Variants in MAPKAPK3 observed in about 807,000 individuals in gnomAD.
MAPKAPK3 encodes the protein MAPK activated protein kinase 3.
In MAPKAPK3, 35 loss-of-function variants were observed where a neutral mutation model predicts 49.2. The observed-to-expected ratio is 0.71, with a 90% CI of 0.54 to 0.94. The LOEUF (loss-of-function observed/expected upper bound fraction) is 0.94. MAPKAPK3 is among the 40% of genes least tolerant of loss of function. The pLI, the probability that MAPKAPK3 is intolerant of heterozygous loss-of-function variation, is 0.00. For synonymous variants in MAPKAPK3, 178 were observed against 188.7 expected (o/e 0.94, Z 0.46); for missense variants, 398 against 493.1 (o/e 0.81, Z 1.83).
At chr3:50,624,295 GTGTA>G (rs1028331818) in intron 2 of MAPKAPK3, among the ~76,000 whole-genome samples, 1 of 151,900 alleles carries the variant, frequency 6.6e-6, no homozygotes, top group African/African-American at 2.4e-5. Context: ...GTGTGTGTGT[GTGTA>G]TGTGTATGTG....
intron 10 of MAPKAPK3, among the ~76,000 whole-genome samples, chr3:50,647,471 A>G (rs1285815738): frequency 6.6e-6 from 1 of 152,124 alleles, no homozygotes; most frequent in Non-Finnish European, 1.5e-5. Context: ...AACCAACAAC[A>G]TTTGGGAGGG....
In MAPKAPK3 at chr3:50,647,832, T is replaced by TG. The variant is rs2033341571; in HGVS notation, c.997-61dup. ...TTAAGGGGCTGCCCAGGCAGGGGGG[T>TG]GATGGTTCCTAAGGTCAGTACATCC... On this transcript the variant is annotated intron_variant, in intron 10 of 10. Coordinates refer to ENST00000621469, the MANE Select transcript of MAPKAPK3 (RefSeq NM_001243925.2). 10 of 1,500,850 alleles carry TG rather than the reference T, an allele frequency of 6.7e-6. No homozygotes were observed. The Admixed American group carries it at 2.1e-4, about 31-fold the overall frequency. 93.0% of individuals were successfully genotyped at this position (1,500,850 alleles called of 1,614,324 possible).
At chr3:50,627,307 C>T (rs1032011701) in intron 2 of MAPKAPK3, among the ~76,000 whole-genome samples, 8 of 151,888 alleles carry the variant, frequency 5.3e-5, no homozygotes, top group Middle Eastern at 3.4e-3. Flanking sequence ...GCAGGCAGGT[C>T]GTGGGGGCCT....
intron 2 of MAPKAPK3, among the ~76,000 whole-genome samples, chr3:50,621,369 A>T (rs1363478615): frequency 6.6e-6 from 1 of 152,052 alleles, no homozygotes; most frequent in Non-Finnish European, 1.5e-5. Flanking sequence ...AGGCGGGAGG[A>T]TCACTTGAAG....
In MAPKAPK3 at chr3:50,648,614, C is replaced by A; in HGVS notation, c.*568C>A. ...TCTCATTCTCACTCCTCCTTGGGCCCTGAGGCTGCTGGATCCGGTCTGCCT... is the reference window on the plus strand; with the variant it reads ...TCTCATTCTCACTCCTCCTTGGGCCATGAGGCTGCTGGATCCGGTCTGCCT... On this transcript the variant is annotated 3_prime_UTR_variant, in exon 11 of 11. Transcript: ENST00000621469. 6.5e-6 allele frequency: 1 copy of A among 154,252 alleles called. No homozygotes were observed. The highest frequency in any genetic ancestry group is 1.4e-5 in the Non-Finnish European group (1 of 69,444). 9.6% of individuals were successfully genotyped at this position (154,252 alleles called of 1,614,324 possible).
upstream of MAPKAPK3, chr3:50,612,554 G>A (rs1359631263): frequency 1.3e-5 from 2 of 152,156 alleles, no homozygotes; most frequent in African/African-American, 2.4e-5. Context: ...AGAGTTGAAG[G>A]AGAAAGCACG....
chr3:50,613,271 C>T (rs980802212), upstream of MAPKAPK3, among the ~76,000 whole-genome samples: 1 of 152,196 alleles, frequency 6.6e-6, no homozygotes, highest in African/African-American at 2.4e-5. Context: ...GTTTGCTCTG[C>T]CCAGAATGGC....
upstream of MAPKAPK3, chr3:50,611,653 C>G: frequency 3.4e-6 from 5 of 1,490,926 alleles, no homozygotes; most frequent in Non-Finnish European, 4.5e-6. Flanking sequence ...AGGACCATGT[C>G]CCCGCGGCAG....
At chr3:50,644,050 G>A (rs1042739081) in intron 5 of MAPKAPK3, among the ~76,000 whole-genome samples, 17 of 152,172 alleles carry the variant, frequency 1.1e-4, no homozygotes, top group South Asian at 6.2e-4. Flanking sequence ...TATGGGACAT[G>A]TGCTTGGCAA....
At chr3:50,631,955 TG>T (rs1273216810) in intron 2 of MAPKAPK3, among the ~76,000 whole-genome samples, 2 of 152,230 alleles carry the variant, frequency 1.3e-5, no homozygotes, top group Non-Finnish European at 2.9e-5. Context: ...GAGGCCATGC[TG>T]GTCCCTGCTG....
chr3:50,615,999 G>C (rs549072214), upstream of MAPKAPK3, among the ~76,000 whole-genome samples: 1 of 152,132 alleles, frequency 6.6e-6, no homozygotes, highest in African/African-American at 2.4e-5. Context: ...GAGGGGCTGA[G>C]GGGGAGGCGC....
chr3:50,642,283 C>T lies in MAPKAPK3; in HGVS notation c.455C>T (p.Thr152Ile). The T allele has an allele frequency of 6.2e-7, 1 of 1,613,606 alleles. No homozygotes were observed. The highest frequency in any genetic ancestry group is 8.5e-7 in the Non-Finnish European group (1 of 1,179,894). The change falls in exon 5 of 11, where the codon ACT becomes ATT. Residue 152 changes from threonine (T) to isoleucine (I), a missense_variant. Coordinates refer to ENST00000621469, the MANE Select transcript of MAPKAPK3 (RefSeq NM_001243925.2). The part of the protein sequence containing the change: ...EAAEIMRDIG[T>I]AIQFLHSHNI... Reference sequence around the variant, plus strand: ...GCAGAGATAATGCGGGATATTGGCACTGCCATCCAGTTTCTGCACAGCCAT... The same window carrying T: ...GCAGAGATAATGCGGGATATTGGCATTGCCATCCAGTTTCTGCACAGCCAT...
Position 50,647,883 on chromosome 3 carries a change from T to A in MAPKAPK3, c.997-11T>A. On this transcript the variant is annotated splice_polypyrimidine_tract_variant and intron_variant, in intron 10 of 10. Transcript: ENST00000621469. Reference sequence around the variant, plus strand: ...TGACCTCTTAGTGCCCACCATCCTGTCTGTCCCCAGGAGGAGATGACCAGT... The same window carrying A: ...TGACCTCTTAGTGCCCACCATCCTGACTGTCCCCAGGAGGAGATGACCAGT... 6.2e-7 allele frequency: 1 copy of A among 1,609,552 alleles called. No homozygotes were observed. Among genetic ancestry groups the A allele is most frequent in the Non-Finnish European group, 8.5e-7 (1 of 1,178,144 alleles).
upstream of MAPKAPK3, among the ~76,000 whole-genome samples, chr3:50,614,497 CAG>C: frequency 8.8e-6 from 1 of 113,122 alleles, no homozygotes; most frequent in African/African-American, 4.1e-5. Context: ...CCAGTAAGGA[CAG>C]AGTGTGTGTG....
intron 2 of MAPKAPK3, among the ~76,000 whole-genome samples, chr3:50,637,675 G>A (rs183247031): frequency 3.7e-5 from 5 of 134,044 alleles, no homozygotes; most frequent in Admixed American, 1.5e-4. Context: ...GGTGCTGGGA[G>A]GACTTTCCAG....
chr3:50,645,850 C>G, intron 7 of MAPKAPK3, 65 bp downstream of exon 7: 1 of 1,393,896 alleles, frequency 7.2e-7, no homozygotes, highest in South Asian at 1.2e-5. Context: ...GCCCTCAGGA[C>G]CACTTCTGTC....
chr3:50,617,637 G>T lies in MAPKAPK3; in HGVS notation c.72G>T (p.Leu24Phe). The T allele has an allele frequency of 6.2e-7, 1 of 1,609,364 alleles. No homozygotes were observed. The highest frequency in any genetic ancestry group is 1.1e-5 in the South Asian group (1 of 90,988). Reference protein sequence around the residue: ...PPPVAPGGPGLGGAPGGRREP... With the variant: ...PPPVAPGGPGFGGAPGGRREP... ...CAGTTGCACCCGGCGGACCCGGCTT[G>T]GGCGGTGCTCCGGGGGGGCGGCGGG... is the stretch of plus-strand genomic sequence containing the variant. The change falls in exon 2 of 11, where the codon TTG (leucine) becomes TTT (phenylalanine). Residue 24 changes from leucine (L) to phenylalanine (F), a missense_variant. Leu to Phe is a conservative substitution (Grantham distance 22). Around this residue, in one of 5 missense-constraint regions of MAPKAPK3, gnomAD observed 123 missense variants for 117.7 expected, o/e 1.04. Transcript: ENST00000621469.
chr3:50,641,848 C>T (rs764487271), intron 4 of MAPKAPK3, 77 bp downstream of exon 4: 91 of 1,238,336 alleles, frequency 7.3e-5, no homozygotes, highest in Non-Finnish European at 1.0e-4. Context: ...TGATGCTAGG[C>T]AAGACCCTGT....
At chr3:50,629,859 A>T (rs1559485429) in intron 2 of MAPKAPK3, among the ~76,000 whole-genome samples, 1 of 152,224 alleles carries the variant, frequency 6.6e-6, no homozygotes, top group Middle Eastern at 3.4e-3. Flanking sequence ...AAATTTAGTA[A>T]ATTGGAGGAA....
Sources: allele counts gnomAD v4.1 joint callset (sites outside exome capture counted in the v4.1 genomes callset), GRCh38; gene constraint gnomAD v4.1.1; regional missense constraint gnomAD v4.1.1; transcripts MANE v1.5; gene names NCBI Gene and HGNC (gene_info 2026-07-23, HGNC 2026-07-21).